Variants in CCL28 observed in about 807,000 individuals in gnomAD.
CCL28 encodes C-C motif chemokine 28.
A neutral mutation model predicts 7.1 loss-of-function variants in CCL28; 4 were observed. That is an observed-to-expected ratio of 0.56 (90% confidence interval 0.28 to 1.29). The LOEUF (loss-of-function observed/expected upper bound fraction) is 1.29, where lower values mean the gene tolerates loss of function less well. CCL28 is among the 50% of genes most tolerant of loss of function. The pLI is 0.11. For synonymous variants in CCL28, 55 were observed against 57.8 expected, an observed-to-expected ratio of 0.95 and a Z score of 0.22; for missense variants, 151 against 163.4, an observed-to-expected ratio of 0.92 and a Z score of 0.41.
the CCL28 span, among the ~76,000 whole-genome samples, chr5:43,360,690 CT>C: frequency 6.6e-6 from 1 of 152,058 alleles, no homozygotes; most frequent in Non-Finnish European, 1.5e-5. Flanking sequence ...TGATATTAAG[CT>C]TTTTTTCATA....
At chr5:43,405,177 C>A (rs979178150) in intron 1 of CCL28, among the ~76,000 whole-genome samples, 6 of 152,232 alleles carry the variant, frequency 3.9e-5, no homozygotes, top group Non-Finnish European at 7.3e-5. Flanking sequence ...CTACAGAACT[C>A]TCCACCCCAA....
At chr5:43,386,618 T>C (rs1308087544) in intron 2 of CCL28, among the ~76,000 whole-genome samples, 1 of 152,240 alleles carries the variant, frequency 6.6e-6, no homozygotes, top group Non-Finnish European at 1.5e-5. Flanking sequence ...TTGAGAATCT[T>C]ATAAAACCTA....
the CCL28 span, among the ~76,000 whole-genome samples, chr5:43,369,036 AAGAGAGAGAGAGAGAGAGAGAG>A: frequency 0.011 from 1,148 of 104,528 alleles, 24 homozygotes; most frequent in South Asian, 0.031. Flanking sequence ...GAAAGAGAGA[AAGAGAGAGAGAGAGAGAGAGAG>A]AGAGAGAGAG....
Position 43,381,821 on chromosome 5 carries a change from A to C in CCL28, c.*39T>G. The C allele has an allele frequency of 6.6e-7, 1 of 1,515,764 alleles. No homozygotes were observed. Among genetic ancestry groups the C allele is most frequent in the Non-Finnish European group, 9.1e-7 (1 of 1,104,834 alleles). The allele number at this position is 1,515,764 out of a possible 1,614,324, so 93.9% of individuals were successfully genotyped here. ...CTTACAACCAATCATGGCCAAGTCC[A>C]CTTGAGGAATTGTCTCTGTAGATTT... is the stretch of plus-strand genomic sequence containing the variant. On this transcript the variant is annotated 3_prime_UTR_variant, in exon 3 of 3. Coordinates refer to ENST00000361115, the MANE Select transcript of CCL28 (RefSeq NM_148672.3).
chr5:43,398,774 C>T (rs1455645422), intron 1 of CCL28, among the ~76,000 whole-genome samples: 3 of 152,026 alleles, frequency 2.0e-5, no homozygotes, highest in South Asian at 4.1e-4. Context: ...TGCTTGAACC[C>T]GGGAGGTGGA....
At chr5:43,358,606 C>T in the CCL28 span, among the ~76,000 whole-genome samples, 18 of 152,138 alleles carry the variant, frequency 1.2e-4, no homozygotes, top group Admixed American at 1.2e-3. Flanking sequence ...AACCATTGGT[C>T]TTCAATAAAT....
the CCL28 span, among the ~76,000 whole-genome samples, chr5:43,364,070 C>G: frequency 6.6e-6 from 1 of 152,200 alleles, no homozygotes; most frequent in Non-Finnish European, 1.5e-5. Flanking sequence ...TCAACTTCAG[C>G]AAAATCTTAT....
At position 43,381,943 on chromosome 5, in the gene CCL28, T is replaced by G; in HGVS notation, c.301A>C (p.Arg101=). The G allele has an allele frequency of 6.2e-7, 1 of 1,614,188 alleles. No homozygotes were observed. The highest frequency in any genetic ancestry group is 8.5e-7 in the Non-Finnish European group (1 of 1,180,012). ...TTCCTCTTGCCATGGTGTTTCTTCC[T>G]GTGGCAAACATTTCCTTTACCATTT... ...KKNGKGNVCH[R]KKHHGKRNSN... The change falls in exon 3 of 3, where the codon AGG becomes CGG. Residue 101 remains arginine (R), a synonymous_variant. Coordinates refer to ENST00000361115, the MANE Select transcript of CCL28 (RefSeq NM_148672.3).
intron 1 of CCL28, among the ~76,000 whole-genome samples, chr5:43,405,560 G>A (rs1741241771): frequency 1.3e-5 from 2 of 152,100 alleles, no homozygotes; most frequent in Non-Finnish European, 2.9e-5. Context: ...ATCTAAAATT[G>A]ACACCCTAAC....
chr5:43,370,744 C>CT, the CCL28 span, among the ~76,000 whole-genome samples: 1,012 of 45,862 alleles, frequency 0.022, 9 homozygotes, highest in Middle Eastern at 0.048. Flanking sequence ...CTTTCTCTCT[C>CT]TTTTTTTTTT....
chr5:43,405,202 C>T (rs368235284), intron 1 of CCL28, among the ~76,000 whole-genome samples: 3 of 152,208 alleles, frequency 2.0e-5, no homozygotes, highest in East Asian at 1.9e-4. Flanking sequence ...ACAGAATATA[C>T]GTTCTTCTTA....
At chr5:43,378,236 A>C (rs1579716420), downstream of CCL28, among the ~76,000 whole-genome samples, 1 of 149,842 alleles carries the variant, frequency 6.7e-6, no homozygotes, top group African/African-American at 2.5e-5. Flanking sequence ...CTGTAGTCCC[A>C]GTTACTAGGG....
At chr5:43,376,543 AAGTATAG>A (rs1739890969), downstream of CCL28, 1 of 152,246 alleles carries the variant, frequency 6.6e-6, no homozygotes, top group African/African-American at 2.4e-5. Flanking sequence ...GTAAATGTAA[AAGTATAG>A]CTGATGTGAC....
intron 1 of CCL28, among the ~76,000 whole-genome samples, chr5:43,402,909 A>C (rs1356598649): frequency 5.9e-5 from 9 of 152,220 alleles, no homozygotes; most frequent in Non-Finnish European, 1.2e-4. Flanking sequence ...AGCCTCGCTC[A>C]CTGCTAGCAC....
chr5:43,388,933 C>A (rs1740450913), intron 1 of CCL28, among the ~76,000 whole-genome samples: 1 of 152,112 alleles, frequency 6.6e-6, no homozygotes, highest in Non-Finnish European at 1.5e-5. Context: ...GGGAGGCAGG[C>A]CATAATAATC....
chr5:43,375,938 G>A (rs1487478997), downstream of CCL28, among the ~76,000 whole-genome samples: 3 of 152,200 alleles, frequency 2.0e-5, no homozygotes, highest in African/African-American at 7.2e-5. Flanking sequence ...GGGAGGCTGA[G>A]GCAGGAGAAT....
chr5:43,372,306 G>T (rs1009830811), downstream of CCL28, among the ~76,000 whole-genome samples: 1 of 152,180 alleles, frequency 6.6e-6, no homozygotes, highest in African/African-American at 2.4e-5. Context: ...TTCATGAGTC[G>T]TTGAAGAGGA....
intron 1 of CCL28, among the ~76,000 whole-genome samples, chr5:43,393,650 C>G (rs184593897): frequency 3.9e-5 from 6 of 152,144 alleles, no homozygotes; most frequent in Non-Finnish European, 7.4e-5. Flanking sequence ...CCACCGCGCC[C>G]GGCCTCCTTT....
chr5:43,366,724 A>C, the CCL28 span, among the ~76,000 whole-genome samples: 1 of 152,230 alleles, frequency 6.6e-6, no homozygotes, highest in East Asian at 1.9e-4. Context: ...GGAATGTCTA[A>C]GTCTGCTGAA....
Sources: gnomAD v4.1 joint callset for allele counts (sites outside exome capture counted in the v4.1 genomes callset) on GRCh38, gnomAD v4.1.1 for gene constraint, MANE v1.5 for transcripts, NCBI Gene and HGNC (gene_info 2026-07-23, HGNC 2026-07-21) for gene names.